The following RANBP2 variants were observed in gnomAD, a reference collection of about 807,000 sequenced individuals.
RANBP2 encodes the protein RAN binding protein 2, also known as E3 SUMO-protein ligase RanBP2.
RANBP2 carries 57 observed loss-of-function variants against 303.6 expected under a neutral mutation model. The ratio of observed to expected loss-of-function variants is 0.19; its 90% confidence interval spans 0.15 to 0.23. The LOEUF (loss-of-function observed/expected upper bound fraction) is 0.23. RANBP2 is among the 10% of genes least tolerant of loss of function. The probability of loss-of-function intolerance (pLI) is 1.00; values close to 1 mark genes in which losing one functional copy is unlikely to be tolerated. For synonymous variants in RANBP2, 1,167 were observed against 1,301.5 expected, an observed-to-expected ratio of 0.90 and a Z score of 2.23; for missense variants, 3,138 against 3,780.8, an observed-to-expected ratio of 0.83 and a Z score of 4.46.
At chr2:109,649,943 C>T in the RANBP2 span, among the ~76,000 whole-genome samples, 5 of 152,192 alleles carry the variant, frequency 3.3e-5, no homozygotes, top group South Asian at 6.2e-4. Flanking sequence ...TTGGAGGCCA[C>T]GGCCCCACCC....
chr2:109,322,172 C>A, the RANBP2 span, among the ~76,000 whole-genome samples: 1 of 152,124 alleles, frequency 6.6e-6, no homozygotes, highest in Non-Finnish European at 1.5e-5. Context: ...CACGGATACA[C>A]AGGAGACTCA....
chr2:109,438,741 TAC>T, the RANBP2 span, among the ~76,000 whole-genome samples: 1 of 152,300 alleles, frequency 6.6e-6, no homozygotes, highest in South Asian at 2.1e-4. Context: ...TAGCTGGGGA[TAC>T]AGTCATTGCA....
chr2:109,591,621 G>A, the RANBP2 span, among the ~76,000 whole-genome samples: 1 of 152,236 alleles, frequency 6.6e-6, no homozygotes, highest in Admixed American at 6.5e-5. Flanking sequence ...TACTGGCCAG[G>A]TGTGGTGGCT....
At chr2:109,359,541 A>G in the RANBP2 span, among the ~76,000 whole-genome samples, 1 of 152,296 alleles carries the variant, frequency 6.6e-6, no homozygotes, top group Admixed American at 6.5e-5. Context: ...TCATGATACC[A>G]TTTACATTTA....
the RANBP2 span, among the ~76,000 whole-genome samples, chr2:109,668,827 A>G: frequency 1.9e-4 from 29 of 152,230 alleles, no homozygotes; most frequent in African/African-American, 6.3e-4. Flanking sequence ...GGCACATGGA[A>G]CAATTGGAAC....
intron 1 of RANBP2, among the ~76,000 whole-genome samples, chr2:108,721,301 C>T (rs988588297): frequency 2.0e-5 from 3 of 152,132 alleles, no homozygotes; most frequent in East Asian, 3.9e-4. Flanking sequence ...TCTATTCCTC[C>T]AGAGGAGGAG....
chr2:108,920,367 G>A, the RANBP2 span, among the ~76,000 whole-genome samples: 13 of 152,132 alleles, frequency 8.5e-5, no homozygotes, highest in Admixed American at 6.5e-5. Context: ...TCTCTGTTAC[G>A]GCAGGGCAAC....
chr2:108,910,215 G>T, the RANBP2 span, among the ~76,000 whole-genome samples: 1 of 152,364 alleles, frequency 6.6e-6, no homozygotes, highest in African/African-American at 2.4e-5. Context: ...GGAAGGCCCA[G>T]GGAATTTGGC....
chr2:109,667,483 T>A, the RANBP2 span, among the ~76,000 whole-genome samples: 1 of 152,202 alleles, frequency 6.6e-6, no homozygotes, highest in Non-Finnish European at 1.5e-5. Context: ...TGTTCTGCCC[T>A]GTGCATTTTA....
At chr2:108,990,302 G>A in the RANBP2 span, among the ~76,000 whole-genome samples, 1 of 151,612 alleles carries the variant, frequency 6.6e-6, no homozygotes, top group Non-Finnish European at 1.5e-5. Context: ...GTGGTGGCGG[G>A]CGCCTGTAGT....
chr2:109,183,114 T>C, the RANBP2 span, among the ~76,000 whole-genome samples: 1 of 152,238 alleles, frequency 6.6e-6, no homozygotes, highest in Non-Finnish European at 1.5e-5. Flanking sequence ...AAGAAATCTT[T>C]AGAAGATTGT....
chr2:108,865,250 T>C, the RANBP2 span, among the ~76,000 whole-genome samples: 7 of 152,204 alleles, frequency 4.6e-5, no homozygotes, highest in Non-Finnish European at 1.0e-4. Flanking sequence ...GATTGATGGA[T>C]ATTTTGGCTG....
intron 12 of RANBP2, among the ~76,000 whole-genome samples, chr2:108,752,446 A>G (rs1038890976): frequency 2.0e-5 from 3 of 151,910 alleles, no homozygotes; most frequent in South Asian, 2.1e-4. Flanking sequence ...TTGGATTGCT[A>G]CGTTAGGATG....
At chr2:109,585,347 A>G in the RANBP2 span, 4 of 1,536,718 alleles carry the variant, frequency 2.6e-6, no homozygotes, top group African/African-American at 5.5e-5. Context: ...GTACATCTTT[A>G]TGGTTGCATG....
the RANBP2 span, among the ~76,000 whole-genome samples, chr2:109,635,068 C>G: frequency 4.0e-5 from 6 of 151,618 alleles, no homozygotes; most frequent in Non-Finnish European, 5.9e-5. Flanking sequence ...TGTTTTGTCA[C>G]TGACCTAGGT....
the RANBP2 span, among the ~76,000 whole-genome samples, chr2:109,021,084 C>T: frequency 5.3e-4 from 80 of 152,234 alleles, no homozygotes; most frequent in African/African-American, 1.8e-3. Flanking sequence ...AACTGGGGGT[C>T]GGTGGGAATG....
chr2:109,175,218 A>G, the RANBP2 span, among the ~76,000 whole-genome samples: 1 of 152,186 alleles, frequency 6.6e-6, no homozygotes, highest in Non-Finnish European at 1.5e-5. Context: ...GTTTGGTGCC[A>G]TGGCCTGTGG....
At chr2:109,128,959 G>A in the RANBP2 span, 384 of 418,108 alleles carry the variant, frequency 9.2e-4, no homozygotes, top group Non-Finnish European at 1.7e-3. Context: ...CGCAGTGACC[G>A]TGACCTCCGC....
At chr2:109,024,076 C>T in the RANBP2 span, among the ~76,000 whole-genome samples, 1 of 152,124 alleles carries the variant, frequency 6.6e-6, no homozygotes, top group African/African-American at 2.4e-5. Flanking sequence ...CAGGCATGCA[C>T]CACCACGCCC....
Sources: allele counts gnomAD v4.1 joint callset (sites outside exome capture counted in the v4.1 genomes callset), GRCh38; gene constraint gnomAD v4.1.1; transcripts MANE v1.5; gene names NCBI Gene and HGNC (gene_info 2026-07-23, HGNC 2026-07-21).